The following HYDIN variants were observed in gnomAD, a reference collection of about 807,000 sequenced individuals.
HYDIN encodes the protein HYDIN axonemal central pair apparatus protein, also known as axonemal central pair apparatus protein HYDIN.
A neutral mutation model predicts 403.9 loss-of-function variants in HYDIN; 132 were observed. The observed-to-expected ratio is 0.33, with a 90% CI of 0.28 to 0.38. HYDIN has a LOEUF of 0.38. Among genes scored for constraint, HYDIN ranks in the 10% least tolerant of loss-of-function variants. The probability of loss-of-function intolerance (pLI) is 1.00; values close to 1 mark genes in which losing one functional copy is unlikely to be tolerated. For synonymous variants in HYDIN, 1,202 were observed against 1,891.7 expected (o/e 0.64, Z 9.46); for missense variants, 2,827 against 5,009.5 (o/e 0.56, Z 13.15).
At chr16:70,991,212 C>G (rs1342073466) in intron 25 of HYDIN, 106 bp downstream of exon 25, 2 of 1,422,484 alleles carry the variant, frequency 1.4e-6, no homozygotes, top group African/African-American at 2.8e-5. Flanking sequence ...GGCTTTGTCC[C>G]AATTAAACCC....
rs1324931863 is a variant in HYDIN, at chr16:70,978,916, C to T, written c.4636G>A (p.Glu1546Lys). The T allele has an allele frequency of 6.2e-6, 10 of 1,613,242 alleles. No homozygotes were observed. In the Admixed American group the frequency reaches 1.0e-4, roughly 16 times the overall value. ...TEEVPEDEPA[E>K]VSAHLQMEVE... ...CGTGCAGGCTGGAGCTGTCTTACCTCAGCAGGCTCGTCTTCTGGCACTTCC... is the reference window on the plus strand; with the variant it reads ...CGTGCAGGCTGGAGCTGTCTTACCTTAGCAGGCTCGTCTTCTGGCACTTCC... Residue 1546 changes from glutamate to lysine, a missense_variant and splice_region_variant, in exon 30 of 86, where the codon GAG becomes AAG. By Grantham distance (56) the Glu-to-Lys change is moderately conservative (BLOSUM62 1). Transcript: ENST00000393567.
chr16:71,093,636 C>T lies in HYDIN; in HGVS notation c.1446+181G>A, dbSNP rs535860250. On this transcript the variant is annotated intron_variant, in intron 11 of 85. Coordinates refer to ENST00000393567, the MANE Select transcript of HYDIN (RefSeq NM_001270974.2). ...GGCTAATGAAGATAAAAAAGTTGTT[C>T]CCCTCATGATGGCCAGGCAGGAGGA... is the stretch of plus-strand genomic sequence containing the variant. 7.7e-6 allele frequency: 3 copies of T among 391,526 alleles called. No homozygotes were observed. The South Asian group carries it at 2.1e-4, about 28-fold the overall frequency. The allele number at this position is 391,526 out of a possible 1,614,324, so 24.3% of individuals were successfully genotyped here.
intron 5 of HYDIN, among the ~76,000 whole-genome samples, chr16:71,164,075 A>G (rs929147500): frequency 5.4e-5 from 8 of 148,422 alleles, no homozygotes; most frequent in Non-Finnish European, 8.9e-5. Context: ...TGTAGCAAAG[A>G]AAAAGTTAAA....
intron 46 of HYDIN, among the ~76,000 whole-genome samples, chr16:70,919,525 C>T (rs551678717): frequency 4.6e-5 from 7 of 152,266 alleles, no homozygotes; most frequent in African/African-American, 1.2e-4. Context: ...CTGATCCTCC[C>T]GTCATCCCTG....
chr16:71,037,101 A>G (rs2081114597), intron 18 of HYDIN, among the ~76,000 whole-genome samples: 1 of 151,178 alleles, frequency 6.6e-6, no homozygotes, highest in South Asian at 2.1e-4. Flanking sequence ...AACTTTGGGG[A>G]TGTCTCCTAA....
chr16:70,816,174 A>G (rs1035277169), intron 84 of HYDIN, among the ~76,000 whole-genome samples: 3 of 152,206 alleles, frequency 2.0e-5, no homozygotes, highest in African/African-American at 4.8e-5. Flanking sequence ...AACAACAACA[A>G]CAAAAAACCA....
At chr16:70,847,918 T>G (rs2143569683) in intron 75 of HYDIN, among the ~76,000 whole-genome samples, 1 of 151,198 alleles carries the variant, frequency 6.6e-6, no homozygotes, top group South Asian at 2.1e-4. Context: ...ACATGTATTT[T>G]GCTATGCTTG....
At chr16:71,012,730 T>C (rs1430029074) in intron 23 of HYDIN, among the ~76,000 whole-genome samples, 3 of 152,198 alleles carry the variant, frequency 2.0e-5, no homozygotes, top group Non-Finnish European at 4.4e-5. Flanking sequence ...GAATCCTAAC[T>C]GGATAAGAAA....
intron 75 of HYDIN, among the ~76,000 whole-genome samples, chr16:70,846,295 A>G (rs1220039527): frequency 1.3e-5 from 2 of 148,950 alleles, no homozygotes; most frequent in Non-Finnish European, 3.0e-5. Flanking sequence ...TCATTTCGTT[A>G]TGTATCCAGT....
intron 8 of HYDIN, among the ~76,000 whole-genome samples, chr16:71,133,989 C>G (rs1036903648): frequency 6.6e-6 from 1 of 152,100 alleles, no homozygotes; most frequent in Non-Finnish European, 1.5e-5. Context: ...GGGAACAACC[C>G]TCTGTCCCCA....
chr16:70,896,427 A>G (rs1265175300), intron 53 of HYDIN, among the ~76,000 whole-genome samples: 1 of 152,108 alleles, frequency 6.6e-6, no homozygotes, highest in Non-Finnish European at 1.5e-5. Flanking sequence ...ATCTCGGCTC[A>G]CTGCAGCCTC....
chr16:71,184,989 A>G lies in HYDIN; in HGVS notation c.137T>C (p.Leu46Pro). ...VVTEEEVNRM[L>P]TPSEFLKEMS... ...TTCCTTCAGGAACTCTGAGGGTGTA[A>G]GCTAGAATGTAAAACAATAAGAACC... The change falls in exon 3 of 86, where the codon CTT (leucine) becomes CCT (proline). Residue 46 changes from leucine to proline, a missense_variant and splice_region_variant. Leu to Pro is a moderately conservative substitution (Grantham distance 98). Transcript: ENST00000393567. The G allele has an allele frequency of 1.3e-6, 2 of 1,594,662 alleles. No individual in the cohort carries two copies. The highest frequency in any genetic ancestry group is 2.3e-5 in the South Asian group (2 of 88,352).
chr16:71,106,175 C>A (rs1045077739), intron 10 of HYDIN, among the ~76,000 whole-genome samples: 1 of 151,060 alleles, frequency 6.6e-6, no homozygotes, highest in East Asian at 2.0e-4. Context: ...CTCCCTCTCT[C>A]TCTCTCTCTC....
intron 15 of HYDIN, 101 bp downstream of exon 15, chr16:71,067,189 C>T: frequency 4.8e-6 from 3 of 623,176 alleles, no homozygotes; most frequent in Non-Finnish European, 2.9e-6. Context: ...GCAGGACAAA[C>T]TCAGTGTGCT....
chr16:71,108,021 T>G (rs2083680431), intron 10 of HYDIN, among the ~76,000 whole-genome samples: 1 of 152,104 alleles, frequency 6.6e-6, no homozygotes, highest in South Asian at 2.1e-4. Flanking sequence ...TCTGCAGGAA[T>G]GTGGATGAAG....
chr16:71,162,818 T>C (rs1964997589), intron 5 of HYDIN, 88 bp from the exon 6 acceptor site: 1 of 588,808 alleles, frequency 1.7e-6, no homozygotes, highest in Admixed American at 3.0e-5. Context: ...AGAGGCATTT[T>C]GCAAAACAAC....
At chr16:71,212,774 T>A (rs866493311) in intron 1 of HYDIN, among the ~76,000 whole-genome samples, 2 of 151,994 alleles carry the variant, frequency 1.3e-5, no homozygotes, top group African/African-American at 2.4e-5. Flanking sequence ...AGAGGCAACA[T>A]CTAACAAATA....
Position 70,803,330 on chromosome 16 carries a change from G to T in HYDIN, c.*4250C>A, listed in dbSNP as rs1438919207. Among the ~76,000 whole-genome samples, 1 of 152,128 alleles carries T rather than the reference G, an allele frequency of 6.6e-6. No individual in the cohort carries two copies. The highest frequency in any genetic ancestry group is 1.5e-5 in the Non-Finnish European group (1 of 68,028). ...ATCTTGAAAAATGCCAACTAGGTAA[G>T]ATTATTTATGCATAATTGAGCTAGC... On this transcript the variant is annotated 3_prime_UTR_variant, in exon 86 of 86. Coordinates refer to ENST00000393567, the MANE Select transcript of HYDIN (RefSeq NM_001270974.2).
chr16:70,964,159 C>A (rs368882103), intron 37 of HYDIN, among the ~76,000 whole-genome samples: 33 of 146,490 alleles, frequency 2.3e-4, no homozygotes, highest in African/African-American at 7.9e-4. Flanking sequence ...AGAAAGGGCA[C>A]AATTCTGAGA....
Sources: allele counts gnomAD v4.1 joint callset (sites outside exome capture counted in the v4.1 genomes callset), GRCh38; gene constraint gnomAD v4.1.1; transcripts MANE v1.5; gene names NCBI Gene and HGNC (gene_info 2026-07-23, HGNC 2026-07-21).